Variants in ZHX2 observed in about 807,000 individuals in gnomAD.
The protein encoded by ZHX2 is zinc fingers and homeoboxes 2.
In ZHX2, 6 loss-of-function variants were observed where a neutral mutation model predicts 21.9. The observed-to-expected ratio is 0.27, with a 90% CI of 0.15 to 0.54. The LOEUF (loss-of-function observed/expected upper bound fraction) is 0.54, where lower values mean the gene tolerates loss of function less well. ZHX2 is among the 20% of genes least tolerant of loss of function. The probability of loss-of-function intolerance (pLI) is 0.95; values close to 1 mark genes in which losing one functional copy is unlikely to be tolerated. For missense variants in ZHX2, 908 were observed against 1,090.7 expected (o/e 0.83, Z 2.36); for synonymous variants, 434 against 437.1 (o/e 0.99, Z 0.09).
At chr8:122,816,775 G>A (rs1818044911) in intron 1 of ZHX2, among the ~76,000 whole-genome samples, 1 of 152,164 alleles carries the variant, frequency 6.6e-6, no homozygotes, top group Non-Finnish European at 1.5e-5. Context: ...GAAGCTCAGG[G>A]AGGCTAGGAA....
intron 2 of ZHX2, among the ~76,000 whole-genome samples, chr8:122,935,370 A>C (rs2130170530): frequency 6.6e-6 from 1 of 152,188 alleles, no homozygotes; most frequent in Admixed American, 6.5e-5. Context: ...TAACTGAATA[A>C]TTTGAAAATT....
chr8:122,946,727 C>T (rs184040412), intron 2 of ZHX2, among the ~76,000 whole-genome samples: 97 of 152,228 alleles, frequency 6.4e-4, no homozygotes, highest in South Asian at 1.2e-3. Context: ...TGTCCCAAGC[C>T]CTTTGGCCAA....
At chr8:122,961,591 G>A (rs1367441757) in intron 3 of ZHX2, among the ~76,000 whole-genome samples, 1 of 152,134 alleles carries the variant, frequency 6.6e-6, no homozygotes, top group Non-Finnish European at 1.5e-5. Context: ...TACGATCATG[G>A]CGGAAGGCGA....
At chr8:122,946,444 C>T (rs1035886202) in intron 2 of ZHX2, among the ~76,000 whole-genome samples, 1 of 152,050 alleles carries the variant, frequency 6.6e-6, no homozygotes, top group East Asian at 1.9e-4. Flanking sequence ...TCTTTTTCAT[C>T]TGCTTTGGTT....
At chr8:122,830,143 T>C (rs1317841570) in intron 1 of ZHX2, among the ~76,000 whole-genome samples, 1 of 152,142 alleles carries the variant, frequency 6.6e-6, no homozygotes, top group Non-Finnish European at 1.5e-5. Context: ...AATGAGAGCC[T>C]GGGTGCACAC....
intron 3 of ZHX2, among the ~76,000 whole-genome samples, chr8:122,954,987 G>A (rs909269999): frequency 9.9e-5 from 15 of 150,762 alleles, no homozygotes; most frequent in African/African-American, 3.7e-4. Context: ...GCAAAAGGAA[G>A]GTGCCACTGT....
At chr8:122,933,621 G>A (rs945588919) in intron 2 of ZHX2, among the ~76,000 whole-genome samples, 7 of 151,992 alleles carry the variant, frequency 4.6e-5, no homozygotes, top group South Asian at 4.2e-4. Context: ...TAAGAAAGCC[G>A]CTATGCTTCA....
chr8:122,933,836 C>A (rs1812610128), intron 2 of ZHX2, among the ~76,000 whole-genome samples: 1 of 152,094 alleles, frequency 6.6e-6, no homozygotes, highest in African/African-American at 2.4e-5. Flanking sequence ...TCAAATTAGC[C>A]TCATTATCAT....
intron 2 of ZHX2, among the ~76,000 whole-genome samples, chr8:122,887,608 C>T (rs1036040935): frequency 2.6e-5 from 4 of 152,016 alleles, no homozygotes; most frequent in African/African-American, 4.8e-5. Context: ...AAAGGTAAAG[C>T]GGTTTTTGCA....
At chr8:122,864,143 G>A (rs750799472) in intron 2 of ZHX2, among the ~76,000 whole-genome samples, 1 of 150,172 alleles carries the variant, frequency 6.7e-6, no homozygotes, top group Non-Finnish European at 1.5e-5. Flanking sequence ...TGTGGGACAC[G>A]TCGAAGGGGA....
intron 2 of ZHX2, among the ~76,000 whole-genome samples, chr8:122,881,778 C>G (rs1435649609): frequency 2.0e-5 from 3 of 152,212 alleles, no homozygotes; most frequent in Non-Finnish European, 4.4e-5. Context: ...CATACCCTTT[C>G]TGCTTTTCCA....
chr8:122,805,291 C>A (rs1465617189), intron 1 of ZHX2, among the ~76,000 whole-genome samples: 2 of 152,162 alleles, frequency 1.3e-5, no homozygotes, highest in Non-Finnish European at 2.9e-5. Flanking sequence ...AGTATTGAGA[C>A]GGGCATGGAA....
At chr8:122,870,004 T>C (rs1024836302) in intron 2 of ZHX2, among the ~76,000 whole-genome samples, 7 of 152,176 alleles carry the variant, frequency 4.6e-5, no homozygotes, top group African/African-American at 7.2e-5. Flanking sequence ...CTCAGCAAGA[T>C]GGTAAGTTTC....
intron 1 of ZHX2, among the ~76,000 whole-genome samples, chr8:122,861,863 G>A (rs541436507): frequency 5.9e-5 from 9 of 152,270 alleles, no homozygotes; most frequent in South Asian, 2.1e-4. Context: ...TGTTCTTCTC[G>A]CAGGTCAGTG....
chr8:122,904,512 G>A (rs566131093), intron 2 of ZHX2, among the ~76,000 whole-genome samples: 50 of 152,212 alleles, frequency 3.3e-4, no homozygotes, highest in African/African-American at 1.2e-3. Flanking sequence ...GCCGTAGCAA[G>A]ACACTCCTGA....
intron 3 of ZHX2, among the ~76,000 whole-genome samples, chr8:122,956,781 C>T (rs1325754690): frequency 6.6e-6 from 1 of 152,048 alleles, no homozygotes; most frequent in African/African-American, 2.4e-5. Flanking sequence ...TCTCTGTATC[C>T]CAAGGTAAGC....
chr8:122,784,067 A>G (rs1817347056), intron 1 of ZHX2, among the ~76,000 whole-genome samples: 1 of 152,236 alleles, frequency 6.6e-6, no homozygotes, highest in African/African-American at 2.4e-5. Flanking sequence ...ACTAATGTCC[A>G]TTTGAAGGGG....
intron 1 of ZHX2, among the ~76,000 whole-genome samples, chr8:122,788,976 A>T (rs1411607173): frequency 6.6e-6 from 1 of 152,210 alleles, no homozygotes; most frequent in Non-Finnish European, 1.5e-5. Context: ...TGTCTCCAAG[A>T]GAACATTCTC....
At chr8:122,812,254 T>A (rs958809614) in intron 1 of ZHX2, among the ~76,000 whole-genome samples, 4 of 152,166 alleles carry the variant, frequency 2.6e-5, no homozygotes, top group African/African-American at 9.7e-5. Context: ...TCTGGAGATG[T>A]GGGAGCCAGA....
Sources: gnomAD v4.1 joint callset for allele counts (sites outside exome capture counted in the v4.1 genomes callset) on GRCh38, gnomAD v4.1.1 for gene constraint, MANE v1.5 for transcripts, NCBI Gene and HGNC (gene_info 2026-07-23, HGNC 2026-07-21) for gene names.